The following VAV3 variants were observed in gnomAD, a reference collection of about 807,000 sequenced individuals.
VAV3 encodes the protein vav guanine nucleotide exchange factor 3, also known as guanine nucleotide exchange factor VAV3.
In VAV3, 94 loss-of-function variants were observed where a neutral mutation model predicts 131.2. The ratio of observed to expected loss-of-function variants is 0.72; its 90% CI spans 0.61 to 0.85. The LOEUF (loss-of-function observed/expected upper bound fraction) is 0.85. VAV3 is among the 40% of genes least tolerant of loss of function. The pLI is 0.00. For synonymous variants in VAV3, 349 were observed against 342.0 expected (o/e 1.02, Z -0.22); for missense variants, 939 against 1,002.7 (o/e 0.94, Z 0.86).
At chr1:107,715,341 G>T (rs1262228787) in intron 15 of VAV3, among the ~76,000 whole-genome samples, 1 of 152,156 alleles carries the variant, frequency 6.6e-6, no homozygotes, top group East Asian at 1.9e-4. Flanking sequence ...TTCTATTACT[G>T]TTATTGCTAT....
chr1:107,746,959 A>G (rs1057299369), intron 15 of VAV3, among the ~76,000 whole-genome samples: 14 of 151,918 alleles, frequency 9.2e-5, no homozygotes, highest in African/African-American at 3.4e-4. Context: ...AGCTCACTGC[A>G]ACCTCCGCCT....
chr1:107,592,056 CGT>C lies in VAV3; in HGVS notation c.2350+4154_2350+4155del, dbSNP rs35290300. ...ATACACACACACATATATATACATA[CGT>C]GTGTGTGTGTGTGTGTGTGTATGTA... On this transcript the variant is annotated intron_variant, in intron 25 of 26. Coordinates refer to ENST00000370056, the MANE Select transcript of VAV3 (RefSeq NM_006113.5). 7.9e-3 allele frequency among the ~76,000 whole-genome samples: 1,178 copies of C among 148,588 alleles called. 7 individuals carry two copies. The highest frequency in any genetic ancestry group is 0.016 in the South Asian group (74 of 4,682).
intron 1 of VAV3, among the ~76,000 whole-genome samples, chr1:107,933,155 A>G (rs904485364): frequency 6.6e-6 from 1 of 152,188 alleles, no homozygotes; most frequent in Non-Finnish European, 1.5e-5. Flanking sequence ...ATGACAGTAC[A>G]GTGTAAATAT....
At chr1:107,837,858 C>T (rs1031647352) in intron 2 of VAV3, among the ~76,000 whole-genome samples, 8 of 152,082 alleles carry the variant, frequency 5.3e-5, no homozygotes, top group African/African-American at 1.9e-4. Context: ...GAACTGGACT[C>T]CTACCTATCA....
chr1:107,901,214 C>A (rs966925016), intron 1 of VAV3, among the ~76,000 whole-genome samples: 4 of 152,160 alleles, frequency 2.6e-5, no homozygotes, highest in African/African-American at 9.7e-5. Flanking sequence ...CACTAGGAAG[C>A]AAATAATTTC....
intron 20 of VAV3, among the ~76,000 whole-genome samples, chr1:107,621,446 T>C (rs910615254): frequency 6.6e-6 from 1 of 152,052 alleles, no homozygotes; most frequent in African/African-American, 2.4e-5. Context: ...TCTTGGTGGA[T>C]GTGTGTGGGA....
intron 25 of VAV3, among the ~76,000 whole-genome samples, chr1:107,586,945 G>A (rs116252642): frequency 0.013 from 1,923 of 152,106 alleles, 44 homozygotes; most frequent in African/African-American, 0.044. Context: ...GTTTTGTGTG[G>A]TATTGAACAT....
At chr1:107,780,720 C>A (rs1198558862) in intron 2 of VAV3, among the ~76,000 whole-genome samples, 1 of 151,996 alleles carries the variant, frequency 6.6e-6, no homozygotes, top group African/African-American at 2.4e-5. Flanking sequence ...TTCGCTATGT[C>A]GGCCAGGCTG....
At chr1:107,612,261 T>C (rs1239042990) in intron 21 of VAV3, among the ~76,000 whole-genome samples, 1 of 151,830 alleles carries the variant, frequency 6.6e-6, no homozygotes, top group Non-Finnish European at 1.5e-5. Context: ...TGAAGCTAGA[T>C]GGCACACTTA....
At chr1:107,741,405 G>T (rs148939689) in intron 15 of VAV3, among the ~76,000 whole-genome samples, 1 of 152,204 alleles carries the variant, frequency 6.6e-6, no homozygotes, top group African/African-American at 2.4e-5. Context: ...TGAAGGGGTG[G>T]TGAGGCAAGG....
Position 107,689,408 on chromosome 1 carries a change from C to A in VAV3, c.1706-1002G>T, listed in dbSNP as rs1450037948. On this transcript the variant is annotated intron_variant, in intron 17 of 26. Transcript: ENST00000370056. ...TCCCAGCCAGAGTTGAAGGGGAAAA[C>A]TCCTGCCAGGCCACCTGACTAGCTG... Among the ~76,000 whole-genome samples, 6 of 152,282 alleles carry A rather than the reference C, an allele frequency of 3.9e-5. No individual in the cohort carries two copies. The East Asian group carries it at 7.7e-4, about 20-fold the overall frequency.
chr1:107,680,203 A>C (rs565795534), intron 19 of VAV3, among the ~76,000 whole-genome samples: 2 of 151,318 alleles, frequency 1.3e-5, no homozygotes, highest in African/African-American at 4.8e-5. Flanking sequence ...TCTTTATTGC[A>C]ATAACAAACA....
chr1:107,690,652 T>C (rs1360814850), intron 17 of VAV3, among the ~76,000 whole-genome samples: 1 of 152,168 alleles, frequency 6.6e-6, no homozygotes, highest in Non-Finnish European at 1.5e-5. Context: ...GAAGCAACTT[T>C]CCTCACATTT....
chr1:107,789,682 T>C (rs1239953974), intron 2 of VAV3, among the ~76,000 whole-genome samples: 1 of 152,174 alleles, frequency 6.6e-6, no homozygotes, highest in Non-Finnish European at 1.5e-5. Flanking sequence ...TCAACAGAAA[T>C]GTGTAAGTCA....
chr1:107,848,697 C>A (rs1669086235), intron 2 of VAV3, among the ~76,000 whole-genome samples: 1 of 152,098 alleles, frequency 6.6e-6, no homozygotes, highest in African/African-American at 2.4e-5. Context: ...CACTCCTATT[C>A]AAAGCAATAT....
rs1289325910 is a variant in VAV3, at chr1:107,583,571, C to CA, written c.2351-9374dup. On this transcript the variant is annotated intron_variant, in intron 25 of 26. Transcript: ENST00000370056. ...GCAACTTCAGCAAAGTCTCAGGATACAAAATCAATGTACAAAAATCACAAG... is the reference window on the plus strand; with the variant it reads ...GCAACTTCAGCAAAGTCTCAGGATACAAAAATCAATGTACAAAAATCACAAG... Among the ~76,000 whole-genome samples the CA allele has an allele frequency of 1.8e-4, 28 of 152,250 alleles. No homozygotes were observed. In the East Asian group the frequency reaches 4.6e-3, roughly 25 times the overall value.
chr1:107,790,498 C>T (rs1666228609), intron 2 of VAV3, among the ~76,000 whole-genome samples: 1 of 152,096 alleles, frequency 6.6e-6, no homozygotes, highest in Admixed American at 6.6e-5. Context: ...GCACACAGTG[C>T]CAGAGGAGAG....
intron 19 of VAV3, among the ~76,000 whole-genome samples, chr1:107,646,811 G>C (rs1655773883): frequency 6.6e-6 from 1 of 151,868 alleles, no homozygotes; most frequent in African/African-American, 2.4e-5. Context: ...GTGTGTTTCT[G>C]GTTAAATAAA....
chr1:107,641,365 G>A (rs909724919), intron 20 of VAV3, among the ~76,000 whole-genome samples: 14 of 152,022 alleles, frequency 9.2e-5, no homozygotes, highest in South Asian at 4.1e-4. Context: ...CATTTCACTC[G>A]TGATAACCTT....
Sources: gnomAD v4.1 joint callset for allele counts (sites outside exome capture counted in the v4.1 genomes callset) on GRCh38, gnomAD v4.1.1 for gene constraint, MANE v1.5 for transcripts, NCBI Gene and HGNC (gene_info 2026-07-23, HGNC 2026-07-21) for gene names.